The following NAV1 variants were observed in gnomAD, a reference collection of about 807,000 sequenced individuals.
NAV1 encodes pore membrane and/or filament interacting like protein 3.
A neutral mutation model predicts 175.2 loss-of-function variants in NAV1; 18 were observed. That is an observed-to-expected ratio of 0.10 (90% CI 0.07 to 0.15). The LOEUF (loss-of-function observed/expected upper bound fraction) is 0.15. Ranked by LOEUF, NAV1 falls within the 10% of genes least tolerant of loss-of-function variation. The pLI, the probability that NAV1 is intolerant of heterozygous loss-of-function variation, is 1.00. For missense variants in NAV1, 1,731 were observed against 2,436.6 expected, an observed-to-expected ratio of 0.71 and a Z score of 6.10; for synonymous variants, 897 against 978.7, an observed-to-expected ratio of 0.92 and a Z score of 1.56.
intron 3 of NAV1, among the ~76,000 whole-genome samples, chr1:201,732,538 G>C (rs1231599035): frequency 1.3e-5 from 2 of 152,078 alleles, no homozygotes; most frequent in East Asian, 3.9e-4. Context: ...TTGGGAAGTA[G>C]AGTAGCAAAG....
chr1:201,623,636 G>C, intron 1 of NAV1, 30 bp downstream of exon 3: 1 of 986,526 alleles, frequency 1.0e-6, no homozygotes, highest in Non-Finnish European at 1.2e-6. Flanking sequence ...GGGAGGGAAG[G>C]GGGAAGAGCC....
Position 201,774,724 on chromosome 1 carries a change from C to T in NAV1, c.1227-5697C>T, listed in dbSNP as rs981054081. Among the ~76,000 whole-genome samples, 54 of 152,118 alleles carry T rather than the reference C, an allele frequency of 3.5e-4. 1 individual carries two copies. The highest frequency in any genetic ancestry group is 1.3e-3 in the African/African-American group (53 of 41,410). On this transcript the variant is annotated intron_variant, in intron 3 of 29. Coordinates refer to ENST00000367296, the Ensembl canonical transcript of NAV1. The stretch of plus-strand genomic sequence containing the variant: ...TCACCTCTCTCTACTCAAAGGCTAC[C>T]CATCAGGATATCTTATCCAAAAGAG...
chr1:201,771,715 G>C (rs1675602687), intron 3 of NAV1, among the ~76,000 whole-genome samples: 1 of 152,078 alleles, frequency 6.6e-6, no homozygotes, highest in Admixed American at 6.5e-5. Context: ...GAAAAAATAA[G>C]ACTGAGGGAA....
chr1:201,637,228 A>C (rs1401306590), intron 2 of NAV1, among the ~76,000 whole-genome samples: 1 of 152,212 alleles, frequency 6.6e-6, no homozygotes, highest in Admixed American at 6.5e-5. Context: ...GGTTTCTTTA[A>C]ACCATCTGTC....
In NAV1 at chr1:201,567,141, C is replaced by T. The variant is rs186726588; in HGVS notation, c.-143-21398C>T. On this transcript the variant is annotated intron_variant, in intron 1 of 33. Coordinates refer to the NAV1 transcript ENST00000685211. The stretch of plus-strand genomic sequence containing the variant: ...CTGATTAGGATCTTGAACTGGGTGG[C>T]GGTTGGAAATCAGTATCACAACCTC... Among the ~76,000 whole-genome samples the T allele has an allele frequency of 1.7e-3, 251 of 151,600 alleles. 3 individuals are homozygous for T. The highest frequency in any genetic ancestry group is 0.015 in the Admixed American group (222 of 15,206).
In NAV1 at chr1:201,739,920, G is replaced by A. The variant is rs1251504416; in HGVS notation, c.1226+21165G>A. ...GGGTTAGGTTTCCGACCCTCCGCGTGGCCCACAGCTCATACCTTTTCGGGT... is the reference window on the plus strand; with the variant it reads ...GGGTTAGGTTTCCGACCCTCCGCGTAGCCCACAGCTCATACCTTTTCGGGT... On this transcript the variant is annotated intron_variant, in intron 3 of 29. Coordinates refer to ENST00000367296, the Ensembl canonical transcript of NAV1. The A allele has an allele frequency of 3.8e-6, 5 of 1,304,264 alleles. No homozygotes were observed. The East Asian group carries it at 1.6e-4, about 41-fold the overall frequency. The allele number at this position is 1,304,264 out of a possible 1,614,324, so 80.8% of individuals were successfully genotyped here.
intron 14 of NAV1, 92 bp downstream of exon 18, chr1:201,793,967 T>G (rs1677276259): frequency 9.2e-7 from 1 of 1,084,822 alleles, no homozygotes; most frequent in Admixed American, 2.0e-5. Context: ...TTCTTGCTCA[T>G]GAATGCCAGT....
At chr1:201,739,264 C>A (rs570505068) in intron 3 of NAV1, 1 of 152,234 alleles carries the variant, frequency 6.6e-6, no homozygotes, top group Non-Finnish European at 1.5e-5. Flanking sequence ...GGCCCCACCC[C>A]CTGAGGTTGT....
At chr1:201,560,450 C>T (rs1336103143) in intron 1 of NAV1, among the ~76,000 whole-genome samples, 1 of 152,226 alleles carries the variant, frequency 6.6e-6, no homozygotes, top group African/African-American at 2.4e-5. Flanking sequence ...CATTGAAGAT[C>T]CCAAACTACT....
At position 201,799,215 on chromosome 1, in the gene NAV1, A is replaced by G. The variant is rs939518888; in HGVS notation, c.3518-4378A>G. Among the ~76,000 whole-genome samples the G allele has an allele frequency of 4.6e-5, 7 of 151,908 alleles. No individual in the cohort carries two copies. In the East Asian group the frequency reaches 1.4e-3, roughly 29 times the overall value. On this transcript the variant is annotated intron_variant, in intron 15 of 29. Coordinates refer to ENST00000367296, the Ensembl canonical transcript of NAV1. ...GTGTGTGGAGAGAGAGAGAGAAAGC[A>G]AATAAAACAAAATATTAACAATTGT... is the stretch of plus-strand genomic sequence containing the variant.
intron 3 of NAV1, among the ~76,000 whole-genome samples, chr1:201,759,904 T>G (rs952372662): frequency 6.6e-6 from 1 of 152,198 alleles, no homozygotes; most frequent in African/African-American, 2.4e-5. Context: ...AATTGGTAGG[T>G]TTCCCTTGCA....
chr1:201,689,728 C>T (rs1022225915), intron 1 of NAV1, among the ~76,000 whole-genome samples: 2 of 152,176 alleles, frequency 1.3e-5, no homozygotes, highest in African/African-American at 4.8e-5. Flanking sequence ...CCTAATAAAG[C>T]ACCTTTTATT....
chr1:201,739,698 G>C, intron 3 of NAV1: 4 of 957,196 alleles, frequency 4.2e-6, no homozygotes, highest in Non-Finnish European at 5.1e-6. Flanking sequence ...GGCTTCCGAG[G>C]CCACCGGAAC....
rs1571839214 is a variant in NAV1 at position 201,598,481 on chromosome 1, G to T, written c.-33+9832G>T. ...GGAAATGGTGTGAGTGGGCCATGCG[G>T]CGTGGGGCCGGGAGAACAAAGTGTG... On this transcript the variant is annotated intron_variant, in intron 2 of 33. Transcript: ENST00000685211. 2.0e-5 allele frequency among the ~76,000 whole-genome samples: 3 copies of T among 152,216 alleles called. No homozygotes were observed. In the South Asian group the frequency reaches 6.2e-4, roughly 32 times the overall value.
At chr1:201,623,635 G>T in intron 1 of NAV1, 29 bp downstream of exon 3, 1 of 986,524 alleles carries the variant, frequency 1.0e-6, no homozygotes, top group East Asian at 1.1e-4. Context: ...AGGGAGGGAA[G>T]GGGGAAGAGC....
In NAV1 at chr1:201,759,746, G is replaced by A. The variant is rs148719660; in HGVS notation, c.1227-20675G>A. Among the ~76,000 whole-genome samples, 169 of 152,282 alleles carry A rather than the reference G, an allele frequency of 1.1e-3. 1 individual carries two copies. The highest frequency in any genetic ancestry group is 3.9e-3 in the African/African-American group (161 of 41,556). On this transcript the variant is annotated intron_variant, in intron 3 of 29. Transcript: ENST00000367296. ...CTACATGGATTGCTTTGCTACAATGGAAATCTTGACAGTTGAATTCACACA... is the reference window on the plus strand; with the variant it reads ...CTACATGGATTGCTTTGCTACAATGAAAATCTTGACAGTTGAATTCACACA...
chr1:201,810,766 C>T lies in NAV1; in HGVS notation c.4797+8C>T, dbSNP rs1293411592. 6 of 1,602,962 alleles carry T rather than the reference C, an allele frequency of 3.7e-6. No individual in the cohort carries two copies. The highest frequency in any genetic ancestry group is 1.7e-4 in the Middle Eastern group (1 of 6,060). ...CACCAGCAGTCTTGCAAGGTGGCTGCCCCCCGACACCCCTGCCAGCCTTTG... is the reference window on the plus strand; with the variant it reads ...CACCAGCAGTCTTGCAAGGTGGCTGTCCCCCGACACCCCTGCCAGCCTTTG... On this transcript the variant is annotated splice_region_variant and intron_variant, in intron 24 of 29. Transcript: ENST00000367296. The surrounding 1 kb of genome is among the most constrained non-coding windows in gnomAD (Gnocchi z 6.0).
At chr1:201,618,961 C>T (rs1668078616), upstream of NAV1, among the ~76,000 whole-genome samples, 1 of 152,102 alleles carries the variant, frequency 6.6e-6, no homozygotes, top group Non-Finnish European at 1.5e-5. Context: ...TTTGGGGAGC[C>T]CTCCTCCACC....
chr1:201,739,717 C>T (rs1262750954), intron 3 of NAV1: 2 of 1,079,986 alleles, frequency 1.9e-6, no homozygotes, highest in East Asian at 4.7e-5. Flanking sequence ...ACGGAGGAGG[C>T]TTCGGTGGCT....
Sources: gnomAD v4.1 joint callset for allele counts (sites outside exome capture counted in the v4.1 genomes callset) on GRCh38, gnomAD v4.1.1 for gene constraint, Gnocchi (gnomAD v3.1) non-coding constraint, MANE v1.5 for transcripts, NCBI Gene and HGNC (gene_info 2026-07-23, HGNC 2026-07-21) for gene names.